Variants in NALF1 observed in about 807,000 individuals in gnomAD.
NALF1 encodes the protein family with sequence similarity 155 member A.
A neutral mutation model predicts 48.4 loss-of-function variants in NALF1; 3 were observed. The observed-to-expected ratio is 0.06, with a 90% CI of 0.03 to 0.16. The LOEUF (loss-of-function observed/expected upper bound fraction) is 0.16. NALF1 is among the 10% of genes least tolerant of loss of function. The pLI is 1.00. For missense variants in NALF1, 526 were observed against 571.5 expected (o/e 0.92, Z 0.81); for synonymous variants, 262 against 245.7 (o/e 1.07, Z -0.62).
At chr13:107,782,934 C>T (rs1227654238) in intron 1 of NALF1, among the ~76,000 whole-genome samples, 1 of 150,138 alleles carries the variant, frequency 6.7e-6, no homozygotes, top group Non-Finnish European at 1.5e-5. Context: ...GGGTCACCCC[C>T]CGCCCGGCCA....
At chr13:107,381,543 C>T (rs576986866) in intron 1 of NALF1, among the ~76,000 whole-genome samples, 2 of 152,058 alleles carry the variant, frequency 1.3e-5, no homozygotes, top group Non-Finnish European at 2.9e-5. Flanking sequence ...CTGCCACCTG[C>T]ATCCCTACGC....
At chr13:107,602,069 GA>G (rs1878946273) in intron 1 of NALF1, among the ~76,000 whole-genome samples, 1 of 152,094 alleles carries the variant, frequency 6.6e-6, no homozygotes, top group African/African-American at 2.4e-5. Flanking sequence ...AAAGGTCTCT[GA>G]ACTGCATCCA....
At position 107,568,808 on chromosome 13, in the gene NALF1, T is replaced by G. The variant is rs189165973; in HGVS notation, c.915+296874A>C. On this transcript the variant is annotated intron_variant, in intron 1 of 2. Coordinates refer to ENST00000375915, the MANE Select transcript of NALF1 (RefSeq NM_001080396.3). ...AACTGGATTTTTTGAATGTTGAATT[T>G]TGAAAGTTCTTTATATATTCTAAAT... 4.1e-3 allele frequency among the ~76,000 whole-genome samples: 631 copies of G among 152,328 alleles called. 5 individuals carry two copies. Among genetic ancestry groups the G allele is most frequent in the African/African-American group, 0.015 (605 of 41,572 alleles).
chr13:107,498,130 T>C (rs1875398932), intron 1 of NALF1, among the ~76,000 whole-genome samples: 1 of 152,222 alleles, frequency 6.6e-6, no homozygotes, highest in East Asian at 1.9e-4. Context: ...GCAAATCATG[T>C]ACACATAATC....
chr13:107,801,721 C>T (rs1279634085), intron 1 of NALF1, among the ~76,000 whole-genome samples: 1 of 152,134 alleles, frequency 6.6e-6, no homozygotes, highest in African/African-American at 2.4e-5. Flanking sequence ...TCCTAATTAA[C>T]ATTGATAGAG....
intron 1 of NALF1, among the ~76,000 whole-genome samples, chr13:107,461,368 C>A (rs1884916068): frequency 6.6e-6 from 1 of 152,078 alleles, no homozygotes; most frequent in Non-Finnish European, 1.5e-5. Flanking sequence ...CTATGATTTG[C>A]ATAAATATTC....
intron 1 of NALF1, among the ~76,000 whole-genome samples, chr13:107,747,208 CTTGCATTTCTTCACAGCA>C (rs1217813140): frequency 6.6e-6 from 1 of 152,170 alleles, no homozygotes; most frequent in African/African-American, 2.4e-5. Context: ...GCCCTGTTTC[CTTGCATTTCTTCACAGCA>C]TTATTTGCTA....
chr13:107,661,054 T>A (rs1383559439), intron 1 of NALF1, among the ~76,000 whole-genome samples: 4 of 152,224 alleles, frequency 2.6e-5, no homozygotes, highest in African/African-American at 9.6e-5. Context: ...TAAAAAACTA[T>A]CTCTAGTCAT....
intron 1 of NALF1, among the ~76,000 whole-genome samples, chr13:107,812,520 T>C (rs1260484531): frequency 6.6e-6 from 1 of 152,114 alleles, no homozygotes; most frequent in Non-Finnish European, 1.5e-5. Flanking sequence ...TTTCTAAAAA[T>C]AGCTACAAAG....
intron 1 of NALF1, among the ~76,000 whole-genome samples, chr13:107,562,358 C>T (rs1443621958): frequency 6.6e-6 from 1 of 152,116 alleles, no homozygotes; most frequent in African/African-American, 2.4e-5. Context: ...TATATTGTAT[C>T]CTTATGTGCC....
intron 1 of NALF1, among the ~76,000 whole-genome samples, chr13:107,479,387 T>A (rs777135969): frequency 5.3e-5 from 8 of 152,178 alleles, no homozygotes; most frequent in Non-Finnish European, 1.0e-4. Flanking sequence ...AAAATGCCAA[T>A]CTTATATTCA....
chr13:107,741,669 G>A lies in NALF1; in HGVS notation c.915+124013C>T, dbSNP rs542665053. ...GTCTAGTTGGAATTGACAGGTGTAGGACCAACACACAACTCAGGAGCCAGG... is the reference window on the plus strand; with the variant it reads ...GTCTAGTTGGAATTGACAGGTGTAGAACCAACACACAACTCAGGAGCCAGG... On this transcript the variant is annotated intron_variant, in intron 1 of 2. Transcript: ENST00000375915. Among the ~76,000 whole-genome samples, 14 of 152,242 alleles carry A rather than the reference G, an allele frequency of 9.2e-5. No homozygotes were observed. The South Asian group carries it at 2.9e-3, about 32-fold the overall frequency.
chr13:107,241,453 G>A (rs1431719611), intron 1 of NALF1, among the ~76,000 whole-genome samples: 2 of 152,160 alleles, frequency 1.3e-5, no homozygotes, highest in African/African-American at 2.4e-5. Context: ...AGTTAATGGC[G>A]CCTACTCAAT....
chr13:107,249,222 AGATAT>A (rs774839776), intron 1 of NALF1, among the ~76,000 whole-genome samples: 5 of 152,144 alleles, frequency 3.3e-5, no homozygotes, highest in African/African-American at 7.2e-5. Flanking sequence ...ATTTTAATAA[AGATAT>A]GATAGGGAGA....
At chr13:107,609,451 G>A (rs1459072259) in intron 1 of NALF1, among the ~76,000 whole-genome samples, 1 of 152,190 alleles carries the variant, frequency 6.6e-6, no homozygotes, top group East Asian at 1.9e-4. Flanking sequence ...GGATCTCAGT[G>A]AAGCTGGCCT....
At chr13:107,270,649 AGT>A (rs2138862635) in intron 1 of NALF1, among the ~76,000 whole-genome samples, 1 of 81,816 alleles carries the variant, frequency 1.2e-5, no homozygotes, top group South Asian at 6.2e-4. Context: ...CTTTGTTGAT[AGT>A]TATATATATA....
At chr13:107,224,450 A>T (rs1880060679) in intron 1 of NALF1, among the ~76,000 whole-genome samples, 1 of 148,828 alleles carries the variant, frequency 6.7e-6, no homozygotes. Flanking sequence ...AATTATATAT[A>T]ATATAAATAT....
At chr13:107,782,524 A>G (rs1877924574) in intron 1 of NALF1, among the ~76,000 whole-genome samples, 1 of 145,576 alleles carries the variant, frequency 6.9e-6, no homozygotes, top group Admixed American at 6.9e-5. Flanking sequence ...ATCGTTTGGG[A>G]TGTTAGGAGC....
chr13:107,408,128 G>A (rs1883931118), intron 1 of NALF1, among the ~76,000 whole-genome samples: 1 of 152,004 alleles, frequency 6.6e-6, no homozygotes, highest in Admixed American at 6.6e-5. Flanking sequence ...GCCTGGGAGT[G>A]CACAGGGGAC....
Sources: gnomAD v4.1 joint callset for allele counts (sites outside exome capture counted in the v4.1 genomes callset) on GRCh38, gnomAD v4.1.1 for gene constraint, MANE v1.5 for transcripts, NCBI Gene and HGNC (gene_info 2026-07-23, HGNC 2026-07-21) for gene names.